ZNF77: variants seen among roughly 807,000 people sequenced by gnomAD.
ZNF77 encodes the protein zinc finger protein 77, also known as ZNFpT1.
ZNF77 carries 15 observed loss-of-function variants against 13.5 expected under a neutral mutation model. That is an observed-to-expected ratio of 1.11 (90% CI 0.74 to 1.71). The LOEUF (loss-of-function observed/expected upper bound fraction) is 1.71, where lower values mean the gene tolerates loss of function less well. Ranked by LOEUF, ZNF77 falls within the 40% of genes most tolerant of loss-of-function variation. The probability of loss-of-function intolerance (pLI) is 0.00; values close to 1 mark genes in which losing one functional copy is unlikely to be tolerated. For synonymous variants in ZNF77, 282 were observed against 250.0 expected, an observed-to-expected ratio of 1.13 and a Z score of -1.21; for missense variants, 717 against 676.4, an observed-to-expected ratio of 1.06 and a Z score of -0.67.
intron 2 of ZNF77, among the ~76,000 whole-genome samples, chr19:2,939,001 T>C (rs2144965686): frequency 6.6e-6 from 1 of 150,522 alleles, no homozygotes; most frequent in Non-Finnish European, 1.5e-5. Flanking sequence ...CTCTTTGCTC[T>C]CCAGGACGCA....
chr19:2,937,674 G>C (rs544668532), intron 2 of ZNF77, among the ~76,000 whole-genome samples: 46 of 152,242 alleles, frequency 3.0e-4, no homozygotes, highest in Admixed American at 1.0e-3. Flanking sequence ...GACAGTGCAG[G>C]GGGGTGCAGG....
At chr19:2,941,571 G>T (rs1044595139) in intron 1 of ZNF77, among the ~76,000 whole-genome samples, 3 of 152,160 alleles carry the variant, frequency 2.0e-5, no homozygotes, top group South Asian at 2.1e-4. Flanking sequence ...AGAAGATCTA[G>T]AAGTTTTTCT....
At chr19:2,942,015 C>CA (rs1189080119) in intron 1 of ZNF77, among the ~76,000 whole-genome samples, 1 of 151,594 alleles carries the variant, frequency 6.6e-6, no homozygotes, top group African/African-American at 2.4e-5. Context: ...GCAAAGAACA[C>CA]ATCCAAGACA....
At chr19:2,942,630 T>C (rs913981732) in intron 1 of ZNF77, among the ~76,000 whole-genome samples, 10 of 152,084 alleles carry the variant, frequency 6.6e-5, no homozygotes, top group Non-Finnish European at 1.5e-4. Flanking sequence ...AATGTTGAAC[T>C]GACTTCAGCT....
intron 1 of ZNF77, among the ~76,000 whole-genome samples, chr19:2,944,185 T>TC (rs1196136968): frequency 1.6e-5 from 2 of 128,750 alleles, no homozygotes; most frequent in African/African-American, 5.8e-5. Context: ...CCCTTTACTG[T>TC]CCCCCCAAAC....
chr19:2,941,435 C>A (rs1434673487), intron 1 of ZNF77, among the ~76,000 whole-genome samples: 1 of 151,968 alleles, frequency 6.6e-6, no homozygotes, highest in Non-Finnish European at 1.5e-5. Context: ...TGAGATCAAG[C>A]CACTGCACTC....
At position 2,933,480 on chromosome 19, in the gene ZNF77, T is replaced by G; in HGVS notation, c.*9A>C. Reference sequence around the variant, plus strand: ...TGAACACTCTCCCAGGTCCACTGTATTCGTAGATTCACGCTCCAGCATGTG... The same window carrying G: ...TGAACACTCTCCCAGGTCCACTGTAGTCGTAGATTCACGCTCCAGCATGTG... On this transcript the variant is annotated 3_prime_UTR_variant, in exon 4 of 4. Coordinates refer to ENST00000314531, the MANE Select transcript of ZNF77 (RefSeq NM_021217.3). 6.5e-7 allele frequency: 1 copy of G among 1,545,942 alleles called. No individual in the cohort carries two copies. Among genetic ancestry groups the G allele is most frequent in the African/African-American group, 1.4e-5 (1 of 73,348 alleles).
Position 2,934,605 on chromosome 19 carries a change from G to C in ZNF77, c.522C>G (p.Leu174=). The C allele has an allele frequency of 6.2e-7, 1 of 1,614,138 alleles. No homozygotes were observed. Among genetic ancestry groups the C allele is most frequent in the Non-Finnish European group, 8.5e-7 (1 of 1,179,980 alleles). The change falls in exon 4 of 4, where the codon CTC becomes CTG. Residue 174 remains leucine (L), a synonymous_variant. Coordinates refer to ENST00000314531, the MANE Select transcript of ZNF77 (RefSeq NM_021217.3). ...TTTTCATAGGAGGGCTTTGGCAGGAGAGGCAGCTGCAGGCTTGCCCACATT... is the reference window on the plus strand; with the variant it reads ...TTTTCATAGGAGGGCTTTGGCAGGACAGGCAGCTGCAGGCTTGCCCACATT... ...CKECGQACSC[L]SCQSPPMKTQ...
At position 2,933,755 on chromosome 19, in the gene ZNF77, G is replaced by T; in HGVS notation, c.1372C>A (p.His458Asn). 1.2e-6 allele frequency: 2 copies of T among 1,613,038 alleles called. No homozygotes were observed. Among genetic ancestry groups the T allele is most frequent in the Non-Finnish European group, 1.7e-6 (2 of 1,179,128 alleles). Residue 458 changes from histidine (H) to asparagine (N), a missense_variant, in exon 4 of 4, where the codon CAC (histidine) becomes AAC (asparagine). Coordinates refer to ENST00000314531, the MANE Select transcript of ZNF77 (RefSeq NM_021217.3). ...CATTCGTACGGTTTCTCTCCGCTGT[G>T]GGTTCGCACATGCTCTCGAAGGGAG... is the stretch of plus-strand genomic sequence containing the variant. ...HSSLREHVRT[H>N]SGEKPYECNQ...
At position 2,933,830 on chromosome 19, in the gene ZNF77, C is replaced by G; in HGVS notation, c.1297G>C (p.Glu433Gln). Residue 433 changes from glutamate to glutamine, a missense_variant, in exon 4 of 4, where the codon GAG (glutamate) becomes CAG (glutamine). By Grantham distance (29) the Glu-to-Gln change is conservative. Coordinates refer to ENST00000314531, the MANE Select transcript of ZNF77 (RefSeq NM_021217.3). ...CAATGCTTACACTCAAAGGGCTTCTCTCCAGTATGCGTCCTCACGTGGATT... is the reference window on the plus strand; with the variant it reads ...CAATGCTTACACTCAAAGGGCTTCTGTCCAGTATGCGTCCTCACGTGGATT... ...LRIHVRTHTG[E>Q]KPFECKHCGK... is the part of the protein sequence containing the mutation. 6.2e-7 allele frequency: 1 copy of G among 1,613,534 alleles called. No homozygotes were observed. The highest frequency in any genetic ancestry group is 8.5e-7 in the Non-Finnish European group (1 of 1,179,590).
In ZNF77 at chr19:2,944,901, T is replaced by C. The variant is rs890899953; in HGVS notation, c.-61A>G. The C allele has an allele frequency of 2.0e-6, 3 of 1,510,388 alleles. No homozygotes were observed. The highest frequency in any genetic ancestry group is 2.6e-6 in the Non-Finnish European group (3 of 1,135,732). 93.6% of individuals were successfully genotyped at this position (1,510,388 alleles called of 1,614,324 possible). A position where few individuals can be genotyped will look rare whatever the true frequency, so the allele number is the denominator to read the frequency against. On this transcript the variant is annotated 5_prime_UTR_variant, in exon 1 of 4. Coordinates refer to ENST00000314531, the MANE Select transcript of ZNF77 (RefSeq NM_021217.3). The stretch of plus-strand genomic sequence containing the variant: ...CCCGCGGTCCAGCGACCGGCGCAGG[T>C]GAGCACGACAGGACACCTGAGCCGC...
intron 2 of ZNF77, among the ~76,000 whole-genome samples, chr19:2,937,380 G>A (rs1190399170): frequency 6.6e-6 from 1 of 152,016 alleles, no homozygotes; most frequent in Non-Finnish European, 1.5e-5. Flanking sequence ...AGCTACTCGG[G>A]AGGCTGAGGC....
rs2088369735 is a variant in ZNF77, at chr19:2,933,981, G to A, written c.1146C>T (p.Cys382=). ...RMHTGEKPYV[C]KQCGKAFGCP... is the part of the protein sequence containing the mutation. ...ATCCGAAGGCCTTCCCACACTGCTTGCACACATAGGGCTTCTCTCCGGTGT... is the reference window on the plus strand; with the variant it reads ...ATCCGAAGGCCTTCCCACACTGCTTACACACATAGGGCTTCTCTCCGGTGT... Residue 382 remains cysteine (C), a synonymous_variant, in exon 4 of 4, where the codon TGC becomes TGT. Transcript: ENST00000314531. The A allele has an allele frequency of 6.2e-7, 1 of 1,614,116 alleles. No individual in the cohort carries two copies. Among genetic ancestry groups the A allele is most frequent in the South Asian group, 1.1e-5 (1 of 91,078 alleles).
rs888569751 is a variant in ZNF77, at chr19:2,933,237, A to C, written c.*252T>G. The C allele has an allele frequency of 5.2e-5, 20 of 383,950 alleles. No individual in the cohort carries two copies. The East Asian group carries it at 7.8e-4, about 15-fold the overall frequency. 23.8% of individuals were successfully genotyped at this position (383,950 alleles called of 1,614,324 possible). ...CATAGCTGAAAGCGTACAAAACAGG[A>C]TATTTATTAAATGTTTATATCACAA... On this transcript the variant is annotated 3_prime_UTR_variant, in exon 4 of 4. Coordinates refer to ENST00000314531, the MANE Select transcript of ZNF77 (RefSeq NM_021217.3).
intron 1 of ZNF77, among the ~76,000 whole-genome samples, chr19:2,941,649 GT>G (rs1265525612): frequency 9.2e-5 from 14 of 152,048 alleles, no homozygotes; most frequent in African/African-American, 3.1e-4. Context: ...CAGAAAACAG[GT>G]ATCAGTTAAT....
chr19:2,936,035 TAAAATA>T (rs1051763359), intron 3 of ZNF77, among the ~76,000 whole-genome samples: 7 of 149,662 alleles, frequency 4.7e-5, no homozygotes, highest in Admixed American at 3.3e-4. Context: ...AATAAATAAA[TAAAATA>T]AAAATAAAAT....
At chr19:2,935,379 A>G (rs111610617) in intron 3 of ZNF77, among the ~76,000 whole-genome samples, 371 of 120,646 alleles carry the variant, frequency 3.1e-3, no homozygotes, top group Non-Finnish European at 4.9e-3. Flanking sequence ...GTGCAATGGC[A>G]TGATCTCAGC....
Position 2,933,530 on chromosome 19 carries a change from C to A in ZNF77, c.1597G>T (p.Ala533Ser), listed in dbSNP as rs755967942. 1.9e-6 allele frequency: 3 copies of A among 1,601,540 alleles called. No individual in the cohort carries two copies. The highest frequency in any genetic ancestry group is 1.1e-5 in the South Asian group (1 of 89,594). ...GTTCTCACATGTGCTTGAAGCGATG[C>A]GAGATACCTGAAGGTTTTCCCACAC... is the stretch of plus-strand genomic sequence containing the variant. ...KQCGKTFRYL[A>S]SLQAHVRTHA... Residue 533 changes from alanine to serine, a missense_variant, in exon 4 of 4, where the codon GCA becomes TCA. Physicochemically the swap from Ala to Ser is moderately conservative, Grantham distance 99 (BLOSUM62 1). Transcript: ENST00000314531.
At chr19:2,943,692 A>ATTTTTTTTTTTTTTTTTTTTT (rs10633206) in intron 1 of ZNF77, among the ~76,000 whole-genome samples, 21 of 76,762 alleles carry the variant, frequency 2.7e-4, no homozygotes, top group Admixed American at 3.8e-4. Context: ...TCTAGCCAGG[A>ATTTTTTTTTTTTTTTTTTTTT]TTTTTTTTTT....
Sources: gnomAD v4.1 joint callset for allele counts (sites outside exome capture counted in the v4.1 genomes callset) on GRCh38, gnomAD v4.1.1 for gene constraint, MANE v1.5 for transcripts, NCBI Gene and HGNC (gene_info 2026-07-23, HGNC 2026-07-21) for gene names.